Variants in FAM107B observed in about 807,000 individuals in gnomAD.
FAM107B encodes the protein protein FAM107B.
FAM107B carries 21 observed loss-of-function variants against 31.5 expected under a neutral mutation model. The observed-to-expected ratio is 0.67, with a 90% CI of 0.47 to 0.96. The LOEUF is 0.96. Ranked by LOEUF, FAM107B falls within the 40% of genes least tolerant of loss-of-function variation. The pLI is 0.00. For synonymous variants in FAM107B, 157 were observed against 141.5 expected (o/e 1.11, Z -0.78); for missense variants, 452 against 377.1 (o/e 1.20, Z -1.64).
At chr10:14,642,418 A>G (rs1183612184) in intron 2 of FAM107B, among the ~76,000 whole-genome samples, 4 of 152,202 alleles carry the variant, frequency 2.6e-5, no homozygotes, top group Non-Finnish European at 5.9e-5. Context: ...CATCAACTTC[A>G]GCATCAATTT....
chr10:14,634,139 G>A (rs1853436883), intron 2 of FAM107B, among the ~76,000 whole-genome samples: 1 of 152,172 alleles, frequency 6.6e-6, no homozygotes, highest in South Asian at 2.1e-4. Flanking sequence ...GCTCACACCT[G>A]TAATCCCAGC....
intron 2 of FAM107B, among the ~76,000 whole-genome samples, chr10:14,625,500 T>C (rs1398943717): frequency 6.6e-6 from 1 of 152,092 alleles, no homozygotes; most frequent in African/African-American, 2.4e-5. Flanking sequence ...AGTACAACTG[T>C]CCTGGCTGCT....
At position 14,629,506 on chromosome 10, in the gene FAM107B, A is replaced by AAT. The variant is rs1284788201; in HGVS notation, c.469+38126_469+38127dup. Among the ~76,000 whole-genome samples the AAT allele has an allele frequency of 3.8e-3, 444 of 116,316 alleles. 24 individuals are homozygous for AAT. The highest frequency in any genetic ancestry group is 0.013 in the African/African-American group (355 of 27,574). The allele number at this position is 116,316 out of a possible 152,430, so 76.3% of individuals were successfully genotyped here. A position where few individuals can be genotyped will look rare whatever the true frequency, so the allele number is the denominator to read the frequency against. On this transcript the variant is annotated intron_variant, in intron 2 of 4. Transcript: ENST00000181796. ...TAACATATATAATATATATATATTT[A>AAT]ATATATATATATATATTTTTTTTTG...
At chr10:14,603,858 A>C (rs1474022006) in intron 2 of FAM107B, among the ~76,000 whole-genome samples, 11 of 151,216 alleles carry the variant, frequency 7.3e-5, no homozygotes, top group Non-Finnish European at 8.9e-5. Flanking sequence ...CCGCGGGGCG[A>C]GGGGCGCCGA....
intron 2 of FAM107B, among the ~76,000 whole-genome samples, chr10:14,553,725 A>AT (rs907021486): frequency 1.3e-5 from 2 of 152,208 alleles, no homozygotes; most frequent in African/African-American, 2.4e-5. Context: ...GCTCTGCCAC[A>AT]TATCAGCTGG....
chr10:14,641,482 A>C (rs6602749), intron 2 of FAM107B, among the ~76,000 whole-genome samples: 24,754 of 152,020 alleles, frequency 0.16, 2,615 homozygotes, highest in Admixed American at 0.28. Flanking sequence ...ACGGAAATTC[A>C]TTTTCTCAGA....
chr10:14,676,719 G>A (rs922786402), intron 1 of FAM107B, among the ~76,000 whole-genome samples: 1 of 152,230 alleles, frequency 6.6e-6, no homozygotes, highest in African/African-American at 2.4e-5. Flanking sequence ...TGCACTGTAT[G>A]TGTGCACTTA....
intron 2 of FAM107B, among the ~76,000 whole-genome samples, chr10:14,630,278 T>TAAAAAAAAAAAAAAA: frequency 7.4e-6 from 1 of 134,580 alleles, no homozygotes; most frequent in Non-Finnish European, 1.6e-5. Context: ...CTACTGATGC[T>TAAAAAAAAAAAAAAA]AAAAAAAAAA....
At chr10:14,723,381 C>T (rs998263266) in intron 1 of FAM107B, 23 of 549,016 alleles carry the variant, frequency 4.2e-5, no homozygotes, top group Admixed American at 1.5e-4. Flanking sequence ...CCCTGAAATT[C>T]CTCCTTGGTC....
intron 2 of FAM107B, among the ~76,000 whole-genome samples, chr10:14,636,756 T>G (rs930836127): frequency 1.3e-5 from 2 of 152,180 alleles, no homozygotes; most frequent in African/African-American, 4.8e-5. Flanking sequence ...TGCTGTCTAC[T>G]GAGTCGAGTT....
chr10:14,543,050 T>G (rs1326221849), intron 2 of FAM107B, among the ~76,000 whole-genome samples: 2 of 152,218 alleles, frequency 1.3e-5, no homozygotes, highest in Non-Finnish European at 2.9e-5. Flanking sequence ...AATTGATAAA[T>G]TACACTTATC....
chr10:14,539,090 C>T (rs1044893374), intron 2 of FAM107B, among the ~76,000 whole-genome samples: 2 of 152,378 alleles, frequency 1.3e-5, no homozygotes, highest in Middle Eastern at 3.4e-3. Flanking sequence ...TACTCTAACT[C>T]TCCATTACTT....
Position 14,595,972 on chromosome 10 carries a change from C to T in FAM107B, c.470-65457G>A, listed in dbSNP as rs151272161. Among the ~76,000 whole-genome samples the T allele has an allele frequency of 2.7e-3, 407 of 152,324 alleles. 1 individual carries two copies. Among genetic ancestry groups the T allele is most frequent in the African/African-American group, 9.0e-3 (373 of 41,570 alleles). Reference sequence around the variant, plus strand: ...CAAAATACAAGGTCCATCTCCTGCACGCCCTGCTCAGAACTCTCCTGTGGC... The same window carrying T: ...CAAAATACAAGGTCCATCTCCTGCATGCCCTGCTCAGAACTCTCCTGTGGC... On this transcript the variant is annotated intron_variant, in intron 2 of 4. Transcript: ENST00000181796.
At chr10:14,683,902 A>G (rs138931450) in intron 1 of FAM107B, among the ~76,000 whole-genome samples, 7 of 152,362 alleles carry the variant, frequency 4.6e-5, no homozygotes, top group Non-Finnish European at 8.8e-5. Context: ...GCACTGTTAT[A>G]TATCTCTGGA....
intron 2 of FAM107B, chr10:14,612,434 G>A (rs943185): frequency 0.9 from 137,155 of 152,244 alleles, 62,048 homozygotes; most frequent in Middle Eastern, 0.97. Flanking sequence ...CTCCTTGTTC[G>A]TCTCTCAGTT....
intron 1 of FAM107B, among the ~76,000 whole-genome samples, chr10:14,743,199 C>T (rs1350843964): frequency 6.6e-6 from 1 of 152,004 alleles, no homozygotes; most frequent in Non-Finnish European, 1.5e-5. Flanking sequence ...TGTCCTTTGC[C>T]CACATTTTAA....
intron 1 of FAM107B, among the ~76,000 whole-genome samples, chr10:14,674,765 C>G (rs199907526): frequency 2.6e-5 from 4 of 152,244 alleles, no homozygotes; most frequent in Admixed American, 2.6e-4. Context: ...GTCTCGCTCT[C>G]GCTCTGTTGC....
intron 2 of FAM107B, among the ~76,000 whole-genome samples, chr10:14,577,793 A>G (rs892822537): frequency 7.2e-5 from 11 of 152,228 alleles, no homozygotes; most frequent in African/African-American, 2.7e-4. Flanking sequence ...TGTGAACAAA[A>G]GTATTTACTT....
intron 2 of FAM107B, among the ~76,000 whole-genome samples, chr10:14,559,237 C>A (rs1361785213): frequency 6.6e-6 from 1 of 152,134 alleles, no homozygotes; most frequent in African/African-American, 2.4e-5. Context: ...GAGGGCAGGA[C>A]GGGGAGAACT....
Sources: gnomAD v4.1 joint callset for allele counts (sites outside exome capture counted in the v4.1 genomes callset) on GRCh38, gnomAD v4.1.1 for gene constraint, MANE v1.5 for transcripts, NCBI Gene and HGNC (gene_info 2026-07-23, HGNC 2026-07-21) for gene names.